PALMD: variants seen among roughly 807,000 people sequenced by gnomAD.
PALMD encodes the protein paralemmin-like protein.
A neutral mutation model predicts 56.2 loss-of-function variants in PALMD; 42 were observed. The ratio of observed to expected loss-of-function variants is 0.75; its 90% CI spans 0.58 to 0.97. The LOEUF is 0.97. Among genes scored for constraint, PALMD ranks in the 50% least tolerant of loss-of-function variants. The pLI is 0.00. For synonymous variants in PALMD, 242 were observed against 222.9 expected (o/e 1.09, Z -0.76); for missense variants, 660 against 643.8 (o/e 1.03, Z -0.27).
At chr1:99,676,720 A>C (rs1386939983) in intron 3 of PALMD, among the ~76,000 whole-genome samples, 1 of 152,164 alleles carries the variant, frequency 6.6e-6, no homozygotes, top group African/African-American at 2.4e-5. Context: ...CTGACATATA[A>C]TAGGTCCTTA....
chr1:99,668,967 A>C (rs1653028490), intron 3 of PALMD: 1 of 152,220 alleles, frequency 6.6e-6, no homozygotes, highest in South Asian at 2.1e-4. Context: ...CCATCTTTGA[A>C]TATAGACGAC....
chr1:99,660,616 A>G (rs1242089622), intron 1 of PALMD, among the ~76,000 whole-genome samples: 2 of 151,086 alleles, frequency 1.3e-5, no homozygotes, highest in African/African-American at 4.9e-5. Context: ...GTGATTCTCA[A>G]GATCCATGCC....
intron 3 of PALMD, among the ~76,000 whole-genome samples, chr1:99,680,641 T>C (rs969594631): frequency 2.6e-5 from 4 of 152,168 alleles, no homozygotes; most frequent in Non-Finnish European, 4.4e-5. Context: ...GCAGCACTTA[T>C]GGAAATTCTA....
rs202123371 is a variant in PALMD, at chr1:99,689,289, G to A, written c.1029G>A (p.Pro343=). 3.1e-4 allele frequency: 502 copies of A among 1,613,314 alleles called. 3 individuals are homozygous for A. The highest frequency in any genetic ancestry group is 5.0e-4 in the Middle Eastern group (3 of 6,052). Reference sequence around the variant, plus strand: ...AAGCAGAAGAGAAGCTTCACACCCCGCAAAAAAGGCTAATGACTCCTTGGG... The same window carrying A: ...AAGCAGAAGAGAAGCTTCACACCCCACAAAAAAGGCTAATGACTCCTTGGG... ...IQQAEEKLHT[P]QKRLMTPWEE... Residue 343 remains proline, a synonymous_variant, in exon 7 of 8, where the codon CCG becomes CCA. Coordinates refer to ENST00000263174, the MANE Select transcript of PALMD (RefSeq NM_017734.5).
At chr1:99,680,141 C>A (rs139343331) in intron 3 of PALMD, among the ~76,000 whole-genome samples, 138 of 152,258 alleles carry the variant, frequency 9.1e-4, no homozygotes, top group African/African-American at 3.1e-3. Context: ...GGACCCTTAG[C>A]AGCAGAAAAA....
Position 99,689,023 on chromosome 1 carries a change from A to C in PALMD, c.763A>C (p.Thr255Pro), listed in dbSNP as rs759216352. The C allele has an allele frequency of 1.9e-6, 3 of 1,613,640 alleles. No individual in the cohort carries two copies. Among genetic ancestry groups the C allele is most frequent in the Non-Finnish European group, 8.5e-7 (1 of 1,179,818 alleles). The change falls in exon 7 of 8, where the codon ACA becomes CCA. Residue 255 changes from threonine (T) to proline (P), a missense_variant. Transcript: ENST00000263174. ...QASERNSKSP[T>P]EYHEPVYANP... Reference sequence around the variant, plus strand: ...CTCAGAGAGAAACTCTAAATCCCCAACAGAGTATCATGAGCCTGTATATGC... The same window carrying C: ...CTCAGAGAGAAACTCTAAATCCCCACCAGAGTATCATGAGCCTGTATATGC...
intron 1 of PALMD, among the ~76,000 whole-genome samples, chr1:99,649,535 C>A (rs556297857): frequency 6.6e-6 from 1 of 152,294 alleles, no homozygotes; most frequent in African/African-American, 2.4e-5. Context: ...GTTATCCCTA[C>A]AGAGTTACTG....
At chr1:99,683,093 A>G (rs866270061) in intron 3 of PALMD, among the ~76,000 whole-genome samples, 1 of 54,928 alleles carries the variant, frequency 1.8e-5, no homozygotes, top group African/African-American at 8.5e-5. Context: ...AGAGAGAGAA[A>G]GAAAGAAAGA....
Position 99,689,364 on chromosome 1 carries a change from G to T in PALMD, c.1104G>T (p.Arg368Ser). 1 of 1,613,700 alleles carries T rather than the reference G, an allele frequency of 6.2e-7. No individual in the cohort carries two copies. Among genetic ancestry groups the T allele is most frequent in the South Asian group, 1.1e-5 (1 of 91,074 alleles). The stretch of plus-strand genomic sequence containing the variant: ...AAGATGCACCCTCTCCAAAGCCAAG[G>T]CTGAGCCCCAGAGAGACAATATTTG... The part of the protein sequence containing the change: ...QDKDAPSPKP[R>S]LSPRETIFGK... The change falls in exon 7 of 8, where the codon AGG becomes AGT. Residue 368 changes from arginine to serine, a missense_variant. Transcript: ENST00000263174.
Position 99,687,162 on chromosome 1 carries a change from AAAG to A in PALMD, c.492_494del (p.Glu164del). The A allele has an allele frequency of 1.2e-6, 2 of 1,604,432 alleles. No individual in the cohort carries two copies. The highest frequency in any genetic ancestry group is 1.7e-6 in the Non-Finnish European group (2 of 1,172,716). On this transcript the variant is annotated inframe_deletion, in exon 6 of 8. Coordinates refer to ENST00000263174, the MANE Select transcript of PALMD (RefSeq NM_017734.5). ...GTTAAGGAAGGAGATAAATGAAGAA[AAAG>A]AAGATGATGAACAAAATAGGAAAGG...
At chr1:99,676,387 G>C (rs76027020) in intron 3 of PALMD, among the ~76,000 whole-genome samples, 1 of 151,798 alleles carries the variant, frequency 6.6e-6, no homozygotes, top group Non-Finnish European at 1.5e-5. Flanking sequence ...TTTTTGATAC[G>C]CACTTTTTAA....
intron 1 of PALMD, among the ~76,000 whole-genome samples, 156 bp from the exon 2 acceptor site, chr1:99,662,163 G>A (rs183073858): frequency 2.4e-4 from 37 of 152,142 alleles, no homozygotes; most frequent in East Asian, 5.8e-4. Context: ...GTCTCACTTC[G>A]CTCTCCTTTG....
intron 1 of PALMD, among the ~76,000 whole-genome samples, chr1:99,654,057 GA>G (rs1652655432): frequency 6.6e-6 from 1 of 151,846 alleles, no homozygotes; most frequent in Non-Finnish European, 1.5e-5. Flanking sequence ...AAGGAAGAAA[GA>G]AAATAATAAA....
intron 2 of PALMD, among the ~76,000 whole-genome samples, chr1:99,663,365 T>C (rs888252743): frequency 1.1e-4 from 16 of 152,288 alleles, no homozygotes; most frequent in African/African-American, 3.8e-4. Context: ...ATATGTCACA[T>C]TGAATTTACA....
chr1:99,677,277 G>A (rs1431950292), intron 3 of PALMD, among the ~76,000 whole-genome samples: 2 of 152,004 alleles, frequency 1.3e-5, no homozygotes, highest in Non-Finnish European at 2.9e-5. Flanking sequence ...CTCATAAAAT[G>A]TGTCACACTA....
chr1:99,675,676 T>C (rs111838312), intron 3 of PALMD, among the ~76,000 whole-genome samples: 6 of 152,348 alleles, frequency 3.9e-5, no homozygotes, highest in African/African-American at 1.4e-4. Flanking sequence ...TGAGACTATA[T>C]GTTTATTTGC....
rs1282318886 is a variant in PALMD, at chr1:99,689,339, A to G, written c.1079A>G (p.Lys360Arg). The change falls in exon 7 of 8, where the codon AAA becomes AGA. Residue 360 changes from lysine to arginine, a missense_variant. Transcript: ENST00000263174. ...GAAGAATCGAATGTCATGCAGGACA[A>G]AGATGCACCCTCTCCAAAGCCAAGG... ...PWEESNVMQD[K>R]DAPSPKPRLS... The G allele has an allele frequency of 6.2e-7, 1 of 1,613,632 alleles. No homozygotes were observed.
chr1:99,683,044 GAAAGAAAGAA>G lies in PALMD; in HGVS notation c.252-3630_252-3621del, dbSNP rs1483556306. On this transcript the variant is annotated intron_variant, in intron 3 of 7. Coordinates refer to ENST00000263174, the MANE Select transcript of PALMD (RefSeq NM_017734.5). ...GGAAAGAAAGAAAGAAAGAAAGAAA[GAAAGAAAGAA>G]AGAGAGAGAGAGAGAGAGAGAGAGA... is the stretch of plus-strand genomic sequence containing the variant. Among the ~76,000 whole-genome samples the G allele has an allele frequency of 2.3e-3, 31 of 13,200 alleles. 1 individual carries two copies. The East Asian group carries it at 0.027, about 11-fold the overall frequency. 8.7% of individuals were successfully genotyped at this position (13,200 alleles called of 152,430 possible).
chr1:99,659,371 A>T (rs1652796059), intron 1 of PALMD, among the ~76,000 whole-genome samples: 1 of 152,214 alleles, frequency 6.6e-6, no homozygotes, highest in African/African-American at 2.4e-5. Flanking sequence ...ATCTAGGTAA[A>T]TGTCCATTGA....
Sources: allele counts gnomAD v4.1 joint callset (sites outside exome capture counted in the v4.1 genomes callset), GRCh38; gene constraint gnomAD v4.1.1; transcripts MANE v1.5; gene names NCBI Gene and HGNC (gene_info 2026-07-23, HGNC 2026-07-21).